Variants in MECR observed in about 807,000 individuals in gnomAD.
The protein encoded by MECR is mitochondrial trans-2-enoyl-CoA reductase.
Under a neutral mutation model 49.1 loss-of-function variants are expected in MECR, and 37 were observed. The ratio of observed to expected loss-of-function variants is 0.75; its 90% CI spans 0.58 to 0.99. The LOEUF is 0.99. Ranked by LOEUF, MECR falls within the 50% of genes least tolerant of loss-of-function variation. The pLI is 0.00. For synonymous variants in MECR, 198 were observed against 191.1 expected (o/e 1.04, Z -0.30); for missense variants, 470 against 479.6 (o/e 0.98, Z 0.19).
chr1:29,206,622 C>T, intron 4 of MECR, 140 bp downstream of exon 4: 1 of 945,778 alleles, frequency 1.1e-6, no homozygotes, highest in Non-Finnish European at 1.6e-6. Flanking sequence ...TAAGTGAAAG[C>T]AACAACATTC....
At chr1:29,216,516 G>A in intron 2 of MECR, 72 bp downstream of exon 2, 1 of 1,443,560 alleles carries the variant, frequency 6.9e-7, no homozygotes, top group Non-Finnish European at 9.7e-7. Context: ...ACCCACACCT[G>A]AGGAGGAATG....
chr1:29,178,749 C>T, the MECR span, among the ~76,000 whole-genome samples: 771 of 152,294 alleles, frequency 5.1e-3, 7 homozygotes, highest in African/African-American at 0.017. Context: ...AGCTTACATA[C>T]GTAGCTAAGT....
chr1:29,201,475 T>G lies in MECR; in HGVS notation c.756+468A>C, dbSNP rs1426449920. 4.0e-6 allele frequency: 2 copies of G among 498,606 alleles called. No homozygotes were observed. Among genetic ancestry groups the G allele is most frequent in the South Asian group, 3.0e-5 (2 of 66,852 alleles). The allele number at this position is 498,606 out of a possible 1,614,324, so 30.9% of individuals were successfully genotyped here. A position where few individuals can be genotyped will look rare whatever the true frequency, so the allele number is the denominator to read the frequency against. Reference sequence around the variant, plus strand: ...TCTGGAGCCCTTATAAACTATATGATTTTGGTTAAGCATTTCCTCTTTTCT... The same window carrying G: ...TCTGGAGCCCTTATAAACTATATGAGTTTGGTTAAGCATTTCCTCTTTTCT... On this transcript the variant is annotated intron_variant, in intron 6 of 9. Coordinates refer to ENST00000263702, the MANE Select transcript of MECR (RefSeq NM_016011.5). This position sits in a 1 kb window ranked among gnomAD's most constrained non-coding sequence, Gnocchi z 4.3.
chr1:29,226,634 C>T (rs1356888903), intron 1 of MECR, among the ~76,000 whole-genome samples: 1 of 151,976 alleles, frequency 6.6e-6, no homozygotes, highest in Non-Finnish European at 1.5e-5. Flanking sequence ...CTGTTGTTTC[C>T]TCAGGCCTAT....
At chr1:29,197,766 A>G (rs1490665353) in intron 7 of MECR, among the ~76,000 whole-genome samples, 1 of 152,254 alleles carries the variant, frequency 6.6e-6, no homozygotes, top group Non-Finnish European at 1.5e-5. Context: ...TCCCTGCTGC[A>G]CTTCATCTAA....
At position 29,193,593 on chromosome 1, in the gene MECR, C is replaced by T. The variant is rs1042632797; in HGVS notation, c.*429G>A. 1.2e-5 allele frequency: 2 copies of T among 169,506 alleles called. No individual in the cohort carries two copies. The highest frequency in any genetic ancestry group is 5.5e-5 in the Admixed American group (1 of 18,060). The allele number at this position is 169,506 out of a possible 1,614,324, so 10.5% of individuals were successfully genotyped here. On this transcript the variant is annotated 3_prime_UTR_variant, in exon 10 of 10. Transcript: ENST00000263702. Reference sequence around the variant, plus strand: ...AGGCTACCTGAGAAGCACATCAAAGCGTTTGTTCTACAGGACCCTCGTCTG... The same window carrying T: ...AGGCTACCTGAGAAGCACATCAAAGTGTTTGTTCTACAGGACCCTCGTCTG...
intron 3 of MECR, among the ~76,000 whole-genome samples, chr1:29,209,165 A>C (rs1486594960): frequency 1.3e-4 from 20 of 152,244 alleles, no homozygotes; most frequent in Admixed American, 1.3e-3. Flanking sequence ...ATTCGTACAT[A>C]TACATACATG....
At chr1:29,206,599 G>A (rs529601451) in intron 4 of MECR, among the ~76,000 whole-genome samples, 163 bp downstream of exon 4, 2 of 152,148 alleles carry the variant, frequency 1.3e-5, no homozygotes, top group Admixed American at 1.3e-4. Context: ...TAGGAACCAA[G>A]CTAACATCTT....
chr1:29,172,230 CTATT>C, the MECR span: 12 of 152,208 alleles, frequency 7.9e-5, no homozygotes, highest in Admixed American at 4.6e-4. Context: ...AGTCCTATCT[CTATT>C]TATTATTCAT....
chr1:29,216,164 A>G, intron 2 of MECR, 28 bp from the exon 3 acceptor site: 1 of 1,612,624 alleles, frequency 6.2e-7, no homozygotes, highest in Non-Finnish European at 8.5e-7. Context: ...TAAAGGGTCA[A>G]CCAGTGATGT....
chr1:29,196,125 C>T (rs190629782), intron 8 of MECR, 73 bp downstream of exon 8: 76 of 1,599,194 alleles, frequency 4.8e-5, no homozygotes, highest in Non-Finnish European at 6.0e-5. Flanking sequence ...AGACAGCTGT[C>T]GTGCCAGGGG....
chr1:29,216,092 C>A lies in MECR; in HGVS notation c.319G>T (p.Glu107Ter), dbSNP rs765731318. 3 of 1,613,912 alleles carry A rather than the reference C, an allele frequency of 1.9e-6. No individual in the cohort carries two copies. The African/African-American group carries it at 4.0e-5, about 22-fold the overall frequency. ...ACCGCTACCACCTGTGCAACACCTT[C>A]GTTCCCTCCAACAGCAGGCAGTTCA... is the stretch of plus-strand genomic sequence containing the variant. ...LPELPAVGGN[E>*]GVAQVVAVGS... The change falls in exon 3 of 10, where the codon GAA becomes TAA. Residue 107 changes from glutamate (E) to a stop codon, truncating the protein, a stop_gained. Coordinates refer to ENST00000263702, the MANE Select transcript of MECR (RefSeq NM_016011.5). LOFTEE classifies it high-confidence loss of function.
chr1:29,220,358 G>A (rs1258716359), intron 1 of MECR, among the ~76,000 whole-genome samples: 2 of 152,028 alleles, frequency 1.3e-5, no homozygotes, highest in East Asian at 1.9e-4. Flanking sequence ...TGGAGATCAC[G>A]CCACTGTACT....
At chr1:29,179,285 G>C in the MECR span, among the ~76,000 whole-genome samples, 1 of 151,954 alleles carries the variant, frequency 6.6e-6, no homozygotes, top group African/African-American at 2.4e-5. Flanking sequence ...CTTCTTACTG[G>C]ACCATGTCTT....
intron 1 of MECR, chr1:29,223,948 A>G (rs2250742): frequency 0.82 from 125,422 of 152,094 alleles, 52,275 homozygotes; most frequent in Middle Eastern, 0.89. Context: ...CCCTCCCTGC[A>G]CCTCTTACGG....
At chr1:29,216,350 C>G (rs1000309883) in intron 2 of MECR, among the ~76,000 whole-genome samples, 6 of 152,178 alleles carry the variant, frequency 3.9e-5, no homozygotes, top group African/African-American at 1.4e-4. Flanking sequence ...TGAAATGAAA[C>G]CAGCATGTCG....
At chr1:29,227,894 C>T (rs1431456577) in intron 1 of MECR, among the ~76,000 whole-genome samples, 1 of 152,176 alleles carries the variant, frequency 6.6e-6, no homozygotes, top group Non-Finnish European at 1.5e-5. Flanking sequence ...TAAAGTTGCC[C>T]TTCTGGAGCA....
chr1:29,214,931 C>T (rs1679000285), intron 3 of MECR, among the ~76,000 whole-genome samples: 1 of 152,158 alleles, frequency 6.6e-6, no homozygotes, highest in African/African-American at 2.4e-5. Flanking sequence ...ACAAAACTCA[C>T]CTATGACTCC....
At chr1:29,228,410 T>G (rs1260694589) in intron 1 of MECR, among the ~76,000 whole-genome samples, 1 of 150,882 alleles carries the variant, frequency 6.6e-6, no homozygotes, top group Non-Finnish European at 1.5e-5. Context: ...TAAAGTTCAA[T>G]GGCGCGATCT....
Sources: allele counts gnomAD v4.1 joint callset (sites outside exome capture counted in the v4.1 genomes callset), GRCh38; gene constraint gnomAD v4.1.1; non-coding constraint Gnocchi (gnomAD v3.1); transcripts MANE v1.5; gene names NCBI Gene and HGNC (gene_info 2026-07-23, HGNC 2026-07-21).